The following NOL9 variants were observed in gnomAD, a reference collection of about 807,000 sequenced individuals.
NOL9 encodes nucleolar protein 9, also known as polynucleotide 5'-hydroxyl-kinase NOL9.
A neutral mutation model predicts 67.9 loss-of-function variants in NOL9; 28 were observed. The ratio of observed to expected loss-of-function variants is 0.41; its 90% confidence interval spans 0.31 to 0.57. The LOEUF (loss-of-function observed/expected upper bound fraction) is 0.57, where lower values mean the gene tolerates loss of function less well. Ranked by LOEUF, NOL9 falls within the 20% of genes least tolerant of loss-of-function variation. The pLI, the probability that NOL9 is intolerant of heterozygous loss-of-function variation, is 0.25. For missense variants in NOL9, 777 were observed against 897.0 expected (o/e 0.87, Z 1.71); for synonymous variants, 356 against 352.2 (o/e 1.01, Z -0.12).
intron 2 of NOL9, 119 bp downstream of exon 2, chr1:6,550,277 C>A: frequency 1.3e-6 from 1 of 789,076 alleles, no homozygotes; most frequent in East Asian, 2.6e-5. Flanking sequence ...ATGATCCGCC[C>A]GCCTTGGCCT....
At chr1:6,548,931 A>T (rs1254443191) in intron 3 of NOL9, among the ~76,000 whole-genome samples, 1 of 152,042 alleles carries the variant, frequency 6.6e-6, no homozygotes, top group Non-Finnish European at 1.5e-5. Flanking sequence ...AAAACAAAAA[A>T]ATTAGCTGGG....
At chr1:6,550,752 C>T (rs532010950) in intron 1 of NOL9, 137 bp from the exon 2 acceptor site, 4 of 618,878 alleles carry the variant, frequency 6.5e-6, no homozygotes, top group African/African-American at 3.8e-5. Context: ...GGCACAATCT[C>T]GGCTCACCGC....
Position 6,524,370 on chromosome 1 carries a change from AG to A in NOL9, c.*1483del, listed in dbSNP as rs1269596932. The A allele has an allele frequency of 6.6e-6, 1 of 152,254 alleles. No homozygotes were observed. The highest frequency in any genetic ancestry group is 2.4e-5 in the African/African-American group (1 of 41,454). 9.4% of individuals were successfully genotyped at this position (152,254 alleles called of 1,614,324 possible). A position where few individuals can be genotyped will look rare whatever the true frequency, so the allele number is the denominator to read the frequency against. ...CAATACCAGTTTGAACCTCAGCCCC[AG>A]GAAGTATCCTGCTGTCTTAAATGCA... On this transcript the variant is annotated 3_prime_UTR_variant, in exon 12 of 12. Coordinates refer to ENST00000377705, the MANE Select transcript of NOL9 (RefSeq NM_024654.5).
At chr1:6,541,278 G>T (rs2148657824) in intron 6 of NOL9, among the ~76,000 whole-genome samples, 1 of 152,146 alleles carries the variant, frequency 6.6e-6, no homozygotes, top group East Asian at 1.9e-4. Context: ...CCGTCTCCCG[G>T]TCAAGCAATT....
chr1:6,551,769 C>T (rs1045523526), intron 1 of NOL9, among the ~76,000 whole-genome samples: 14 of 152,086 alleles, frequency 9.2e-5, no homozygotes, highest in African/African-American at 3.1e-4. Flanking sequence ...TGGTGGCTCA[C>T]GCCTGTAATC....
intron 6 of NOL9, among the ~76,000 whole-genome samples, chr1:6,534,770 C>T (rs1639110928): frequency 6.6e-6 from 1 of 152,106 alleles, no homozygotes; most frequent in Non-Finnish European, 1.5e-5. Flanking sequence ...GAGTCGGAAA[C>T]TCATGGCTCT....
intron 6 of NOL9, among the ~76,000 whole-genome samples, chr1:6,539,165 G>A (rs780363904): frequency 6.6e-5 from 10 of 152,200 alleles, no homozygotes; most frequent in Non-Finnish European, 1.5e-4. Flanking sequence ...AAGCATTGGT[G>A]AGGATACGGA....
rs1638858231 is a variant in NOL9, at chr1:6,525,316, C to T, written c.*538G>A. The T allele has an allele frequency of 6.3e-6, 1 of 157,712 alleles. No homozygotes were observed. The highest frequency in any genetic ancestry group is 1.4e-5 in the Non-Finnish European group (1 of 71,080). The allele number at this position is 157,712 out of a possible 1,614,324, so 9.8% of individuals were successfully genotyped here. A position where few individuals can be genotyped will look rare whatever the true frequency, so the allele number is the denominator to read the frequency against. Reference sequence around the variant, plus strand: ...CCATGCCCAGCCCTATCTATTAAACCTTGATTGAATATAACAGACCAAGTA... The same window carrying T: ...CCATGCCCAGCCCTATCTATTAAACTTTGATTGAATATAACAGACCAAGTA... On this transcript the variant is annotated 3_prime_UTR_variant, in exon 12 of 12. Coordinates refer to ENST00000377705, the MANE Select transcript of NOL9 (RefSeq NM_024654.5).
chr1:6,545,919 C>CAAAAAAAAAA (rs66980518), intron 3 of NOL9, among the ~76,000 whole-genome samples: 2 of 59,686 alleles, frequency 3.4e-5, no homozygotes, highest in African/African-American at 1.2e-4. Flanking sequence ...GTCTGTGTCT[C>CAAAAAAAAAA]AAAAAAAAAA....
At chr1:6,529,820 GGAGGCT>G (rs1194400419) in intron 9 of NOL9, among the ~76,000 whole-genome samples, 1 of 151,946 alleles carries the variant, frequency 6.6e-6, no homozygotes, top group Admixed American at 6.6e-5. Context: ...CAGCTACTTG[GGAGGCT>G]GAGGCACAAG....
intron 1 of NOL9, among the ~76,000 whole-genome samples, chr1:6,552,529 TCTC>T (rs1204621778): frequency 6.6e-6 from 1 of 151,950 alleles, no homozygotes; most frequent in Admixed American, 6.6e-5. Context: ...TTAAAGCAAT[TCTC>T]CTGCCTCTGC....
intron 9 of NOL9, 68 bp from the exon 10 acceptor site, chr1:6,529,239 A>G: frequency 5.0e-6 from 7 of 1,387,198 alleles, no homozygotes; most frequent in Non-Finnish European, 7.1e-6. Context: ...TTCTACAACT[A>G]GATTAACCAG....
At chr1:6,541,799 C>T in intron 6 of NOL9, 31 bp downstream of exon 6, 1 of 1,364,406 alleles carries the variant, frequency 7.3e-7, no homozygotes, top group South Asian at 1.3e-5. Flanking sequence ...TTTCATAAAA[C>T]CAAGACATTT....
chr1:6,548,367 G>A, intron 3 of NOL9: 1 of 188,586 alleles, frequency 5.3e-6, no homozygotes, highest in Non-Finnish European at 1.1e-5. Flanking sequence ...GGCTGGTCTT[G>A]AACTCCTAAC....
chr1:6,540,781 A>C (rs575822393), intron 6 of NOL9: 9 of 151,966 alleles, frequency 5.9e-5, no homozygotes, highest in African/African-American at 2.2e-4. Context: ...AGCACAGATC[A>C]CACCACTGCA....
chr1:6,538,597 A>G (rs4908908), intron 6 of NOL9, among the ~76,000 whole-genome samples: 148,960 of 152,170 alleles, frequency 0.98, 73,004 homozygotes, highest in East Asian at 1. Flanking sequence ...ACTTGAACCC[A>G]GGAAGCGGAG....
intron 1 of NOL9, 21 bp from the exon 2 acceptor site, chr1:6,550,636 A>G (rs746922437): frequency 1.3e-6 from 2 of 1,563,582 alleles, no homozygotes; most frequent in Non-Finnish European, 1.8e-6. Flanking sequence ...GAGAAAACAG[A>G]AAAAACATTA....
In NOL9 at chr1:6,554,395, C is replaced by T; in HGVS notation, c.108G>A (p.Arg36=). ...QLILSRRPRR[R]LGSLRWCGRR... ...GACCGCACCAGCGCAGGCTCCCGAG[C>T]CGGCGGCGGGGCCGGCGGCTGAGGA... Residue 36 remains arginine (R), a synonymous_variant, in exon 1 of 12, where the codon CGG becomes CGA. Coordinates refer to ENST00000377705, the MANE Select transcript of NOL9 (RefSeq NM_024654.5). The T allele has an allele frequency of 6.7e-7, 1 of 1,495,058 alleles. No individual in the cohort carries two copies. The allele number at this position is 1,495,058 out of a possible 1,614,324, so 92.6% of individuals were successfully genotyped here.
rs1274882418 is a variant in NOL9 at position 6,521,463 on chromosome 1, G to A, written c.*4391C>T. 6.6e-6 allele frequency: 1 copy of A among 152,194 alleles called. No homozygotes were observed. The highest frequency in any genetic ancestry group is 1.5e-5 in the Non-Finnish European group (1 of 68,042). 9.4% of individuals were successfully genotyped at this position (152,194 alleles called of 1,614,324 possible). A position where few individuals can be genotyped will look rare whatever the true frequency, so the allele number is the denominator to read the frequency against. On this transcript the variant is annotated 3_prime_UTR_variant, in exon 12 of 12. Coordinates refer to ENST00000377705, the MANE Select transcript of NOL9 (RefSeq NM_024654.5). ...ACACACACAGCAGAACCCCAGCTGAGACACCTCACAGTGTCAGTGATTACT... is the reference window on the plus strand; with the variant it reads ...ACACACACAGCAGAACCCCAGCTGAAACACCTCACAGTGTCAGTGATTACT...
Sources: gnomAD v4.1 joint callset for allele counts (sites outside exome capture counted in the v4.1 genomes callset) on GRCh38, gnomAD v4.1.1 for gene constraint, MANE v1.5 for transcripts, NCBI Gene and HGNC (gene_info 2026-07-23, HGNC 2026-07-21) for gene names.